Variants in TANC2 observed in about 807,000 individuals in gnomAD.
TANC2 encodes the protein protein TANC2.
Under a neutral mutation model 210.5 loss-of-function variants are expected in TANC2, and 26 were observed. The ratio of observed to expected loss-of-function variants is 0.12; its 90% CI spans 0.09 to 0.17. The LOEUF (loss-of-function observed/expected upper bound fraction) is 0.17. Ranked by LOEUF, TANC2 falls within the 10% of genes least tolerant of loss-of-function variation. TANC2 has a pLI of 1.00. For missense variants in TANC2, 2,129 were observed against 2,608.9 expected (o/e 0.82, Z 4.01); for synonymous variants, 931 against 967.1 (o/e 0.96, Z 0.69).
At position 63,261,718 on chromosome 17, in the gene TANC2, C is replaced by T. The variant is rs535351293; in HGVS notation, c.1034-6030C>T. On this transcript the variant is annotated intron_variant, in intron 8 of 27. Transcript: ENST00000689528. ...TTTCTCCAGTAACCTTAACAATTAA[C>T]AAAGTCCACCTTTTTGGCTAACCAG... Among the ~76,000 whole-genome samples the T allele has an allele frequency of 4.6e-5, 7 of 152,318 alleles. No homozygotes were observed. The South Asian group carries it at 1.5e-3, about 32-fold the overall frequency.
intron 8 of TANC2, among the ~76,000 whole-genome samples, chr17:63,251,460 G>A (rs1598707992): frequency 6.6e-6 from 1 of 152,174 alleles, no homozygotes; most frequent in East Asian, 1.9e-4. Flanking sequence ...GTGTCTCCTG[G>A]CTGATCTTTC....
chr17:63,308,733 G>A (rs1319206235), intron 9 of TANC2, among the ~76,000 whole-genome samples: 1 of 152,062 alleles, frequency 6.6e-6, no homozygotes, highest in Non-Finnish European at 1.5e-5. Context: ...TTAATTAGTT[G>A]TTGGATTTGG....
chr17:63,066,777 C>T (rs1168264036), intron 2 of TANC2, among the ~76,000 whole-genome samples: 1 of 151,506 alleles, frequency 6.6e-6, no homozygotes, highest in East Asian at 1.9e-4. Flanking sequence ...TAGCACTGTG[C>T]TCCAGACACA....
Position 63,181,023 on chromosome 17 carries a change from CAAAAAAAAAA to C in TANC2, c.434-12949_434-12940del, listed in dbSNP as rs1171748208. 5.2e-3 allele frequency among the ~76,000 whole-genome samples: 159 copies of C among 30,672 alleles called. No homozygotes were observed. The Middle Eastern group carries it at 0.088, about 17-fold the overall frequency. 20.1% of individuals were successfully genotyped at this position (30,672 alleles called of 152,430 possible). A position where few individuals can be genotyped will look rare whatever the true frequency, so the allele number is the denominator to read the frequency against. The stretch of plus-strand genomic sequence containing the variant: ...TGGGTGACAGAGTGAGACTCCATCT[CAAAAAAAAAA>C]AAAAAAAAAAAAAAAAAAGAGTAGG... On this transcript the variant is annotated intron_variant, in intron 5 of 27. Coordinates refer to ENST00000689528, the Ensembl canonical transcript of TANC2.
At chr17:63,032,477 A>G (rs1245267521) in intron 2 of TANC2, among the ~76,000 whole-genome samples, 1 of 152,132 alleles carries the variant, frequency 6.6e-6, no homozygotes, top group East Asian at 1.9e-4. Context: ...AGGCAAAATG[A>G]CATGCCATCT....
At chr17:63,019,532 T>TTGA (rs1415065500) in intron 2 of TANC2, among the ~76,000 whole-genome samples, 2 of 152,124 alleles carry the variant, frequency 1.3e-5, no homozygotes, top group African/African-American at 4.8e-5. Flanking sequence ...GTTAGCTATT[T>TTGA]TGATAGGTAT....
chr17:63,055,990 AATATATATATATAT>A (rs57112801), intron 2 of TANC2, among the ~76,000 whole-genome samples: 57 of 10,098 alleles, frequency 5.6e-3, no homozygotes, highest in South Asian at 0.017. Context: ...AAAAAAAAAA[AATATATATATATAT>A]ATATATATAT....
intron 6 of TANC2, among the ~76,000 whole-genome samples, chr17:63,199,998 C>G (rs971787114): frequency 2.1e-4 from 32 of 152,158 alleles, no homozygotes; most frequent in Non-Finnish European, 8.8e-5. Flanking sequence ...CGAAAAGACA[C>G]TTCCTTGCAT....
intron 2 of TANC2, among the ~76,000 whole-genome samples, chr17:63,038,954 G>A (rs1448714331): frequency 6.6e-6 from 1 of 152,084 alleles, no homozygotes; most frequent in Middle Eastern, 3.2e-3. Context: ...TATGTGAAAG[G>A]ACTGTGACCC....
At chr17:63,061,537 A>G (rs1399743088) in intron 2 of TANC2, among the ~76,000 whole-genome samples, 2 of 151,696 alleles carry the variant, frequency 1.3e-5, no homozygotes, top group East Asian at 1.9e-4. Context: ...AGTTTCAAGT[A>G]TGTGTGTGTG....
intron 19 of TANC2, among the ~76,000 whole-genome samples, chr17:63,399,864 G>A (rs1391119404): frequency 6.6e-6 from 1 of 152,156 alleles, no homozygotes; most frequent in African/African-American, 2.4e-5. Context: ...AACATCATGT[G>A]GAATGGTCCA....
chr17:63,415,749 A>C (rs577320695), intron 26 of TANC2, 75 bp downstream of exon 26: 1 of 1,542,910 alleles, frequency 6.5e-7, no homozygotes, highest in Admixed American at 2.0e-5. Flanking sequence ...AGCTTTTACC[A>C]GGCCCCTGAA....
At chr17:63,280,375 T>G (rs768331769) in intron 9 of TANC2, among the ~76,000 whole-genome samples, 5 of 152,108 alleles carry the variant, frequency 3.3e-5, no homozygotes, top group Admixed American at 6.6e-5. Context: ...AAACCTAGTT[T>G]TTTTTTAATT....
At chr17:63,219,828 AG>A (rs2042120840) in intron 7 of TANC2, among the ~76,000 whole-genome samples, 1 of 152,222 alleles carries the variant, frequency 6.6e-6, no homozygotes, top group East Asian at 1.9e-4. Flanking sequence ...TTAAAAAAAA[AG>A]AAATTAACGA....
chr17:63,080,320 A>G (rs2036727492), intron 3 of TANC2, among the ~76,000 whole-genome samples: 1 of 152,202 alleles, frequency 6.6e-6, no homozygotes, highest in Non-Finnish European at 1.5e-5. Flanking sequence ...GATCATATAT[A>G]TGTAAGCAAC....
chr17:63,424,775 TAGC>T (rs1355208150), exon 28 of TANC2: 1 of 152,048 alleles, frequency 6.6e-6, no homozygotes, highest in African/African-American at 2.4e-5. Flanking sequence ...CATTAGAAAA[TAGC>T]AGAACCGCTC....
chr17:63,118,432 C>T (rs1177767642), intron 4 of TANC2, among the ~76,000 whole-genome samples: 1 of 152,090 alleles, frequency 6.6e-6, no homozygotes, highest in Non-Finnish European at 1.5e-5. Flanking sequence ...TCTTTGTTTT[C>T]TGGCTTTTAA....
intron 2 of TANC2, among the ~76,000 whole-genome samples, chr17:63,054,371 T>A (rs879353588): frequency 3.3e-5 from 5 of 152,022 alleles, no homozygotes; most frequent in Non-Finnish European, 5.9e-5. Flanking sequence ...TCATAAATGT[T>A]GTTTTTGTTT....
At chr17:62,991,699 T>G (rs1267365818) in intron 1 of TANC2, among the ~76,000 whole-genome samples, 1 of 151,352 alleles carries the variant, frequency 6.6e-6, no homozygotes, top group African/African-American at 2.4e-5. Context: ...CAAATAAATA[T>G]AGTATAAGTA....
Sources: gnomAD v4.1 joint callset for allele counts (sites outside exome capture counted in the v4.1 genomes callset) on GRCh38, gnomAD v4.1.1 for gene constraint, MANE v1.5 for transcripts, NCBI Gene and HGNC (gene_info 2026-07-23, HGNC 2026-07-21) for gene names.